The following SH3RF2 variants were observed in gnomAD, a reference collection of about 807,000 sequenced individuals.
The protein encoded by SH3RF2 is SH3 domain containing ring finger 2.
SH3RF2 carries 43 observed loss-of-function variants against 59.0 expected under a neutral mutation model. That is an observed-to-expected ratio of 0.73 (90% CI 0.57 to 0.94). The LOEUF (loss-of-function observed/expected upper bound fraction) is 0.94, where lower values mean the gene tolerates loss of function less well. SH3RF2 is among the 40% of genes least tolerant of loss of function. The pLI, the probability that SH3RF2 is intolerant of heterozygous loss-of-function variation, is 0.00. For synonymous variants in SH3RF2, 391 were observed against 391.5 expected (o/e 1.00, Z 0.01); for missense variants, 930 against 940.1 (o/e 0.99, Z 0.14).
chr5:146,047,154 C>CGTGTGTGTGTGTGTGTGTGTGTGTGT (rs35750777), intron 5 of SH3RF2, among the ~76,000 whole-genome samples: 208 of 148,224 alleles, frequency 1.4e-3, no homozygotes, highest in African/African-American at 4.9e-3. Flanking sequence ...ATTGGATAGG[C>CGTGTGTGTGTGTGTGTGTGTGTGTGT]GTGTGTGTGT....
At chr5:145,984,920 G>T (rs1759644151) in intron 2 of SH3RF2, among the ~76,000 whole-genome samples, 1 of 152,218 alleles carries the variant, frequency 6.6e-6, no homozygotes, top group Non-Finnish European at 1.5e-5. Context: ...ACTTTAGGAG[G>T]CAGAGGCAGG....
At chr5:145,992,456 C>G (rs1005301104) in intron 2 of SH3RF2, among the ~76,000 whole-genome samples, 4 of 152,150 alleles carry the variant, frequency 2.6e-5, no homozygotes, top group African/African-American at 9.7e-5. Context: ...GCTTTGTGAA[C>G]TTGGGCAACT....
At chr5:146,019,347 C>T (rs1298082629) in intron 5 of SH3RF2, among the ~76,000 whole-genome samples, 1 of 152,158 alleles carries the variant, frequency 6.6e-6, no homozygotes, top group Non-Finnish European at 1.5e-5. Context: ...GTTTTCCCAA[C>T]ACCATTTATT....
chr5:145,994,638 C>T (rs948471147), intron 2 of SH3RF2, among the ~76,000 whole-genome samples: 1 of 152,182 alleles, frequency 6.6e-6, no homozygotes, highest in Non-Finnish European at 1.5e-5. Flanking sequence ...ATCATGAGAA[C>T]AGCACAGGAA....
intron 2 of SH3RF2, among the ~76,000 whole-genome samples, chr5:145,944,215 T>C (rs1159359056): frequency 6.6e-6 from 1 of 152,138 alleles, no homozygotes; most frequent in Non-Finnish European, 1.5e-5. Context: ...ATTTTTCAAT[T>C]TGGGATGCTC....
At chr5:146,064,771 G>A (rs71592188), downstream of SH3RF2, among the ~76,000 whole-genome samples, 3,725 of 23,766 alleles carry the variant, frequency 0.16, 445 homozygotes, top group Admixed American at 0.25. Context: ...AGGAAGGAAG[G>A]AAGGAAAGGA....
intron 5 of SH3RF2, among the ~76,000 whole-genome samples, chr5:146,020,147 T>C: frequency 6.6e-6 from 1 of 152,176 alleles, no homozygotes; most frequent in East Asian, 1.9e-4. Context: ...TTAAGTAATT[T>C]GCACAATGTC....
intron 2 of SH3RF2, among the ~76,000 whole-genome samples, chr5:145,945,445 C>T (rs1757974414): frequency 6.6e-6 from 1 of 152,068 alleles, no homozygotes; most frequent in African/African-American, 2.4e-5. Context: ...AATTCTTAGA[C>T]TCAAGAAATG....
At chr5:145,991,455 C>T (rs1195379264) in intron 2 of SH3RF2, among the ~76,000 whole-genome samples, 1 of 152,190 alleles carries the variant, frequency 6.6e-6, no homozygotes, top group South Asian at 2.1e-4. Flanking sequence ...CCTCTCTCTT[C>T]CCCTTGCTCC....
chr5:146,028,669 C>T (rs1259750745), intron 5 of SH3RF2, among the ~76,000 whole-genome samples: 3 of 152,334 alleles, frequency 2.0e-5, no homozygotes, highest in Middle Eastern at 3.4e-3. Flanking sequence ...AGTTGCCTCC[C>T]GCTGAGAACA....
At chr5:145,980,045 A>G (rs189424652) in intron 2 of SH3RF2, among the ~76,000 whole-genome samples, 1 of 152,316 alleles carries the variant, frequency 6.6e-6, no homozygotes, top group Admixed American at 6.5e-5. Context: ...CTATTATCAT[A>G]AGATAAATAA....
intron 5 of SH3RF2, among the ~76,000 whole-genome samples, chr5:146,022,835 G>A (rs115516119): frequency 6.6e-6 from 1 of 151,456 alleles, no homozygotes; most frequent in South Asian, 2.1e-4. Flanking sequence ...TCTTGCCGGT[G>A]CACTGCAGCC....
chr5:145,967,452 T>C (rs1450760280), intron 2 of SH3RF2, among the ~76,000 whole-genome samples: 3 of 152,064 alleles, frequency 2.0e-5, no homozygotes, highest in Admixed American at 6.5e-5. Flanking sequence ...CATGAGTAGG[T>C]ATTATGCCTC....
intron 8 of SH3RF2, among the ~76,000 whole-genome samples, chr5:146,056,859 A>T (rs1762689475): frequency 2.0e-5 from 3 of 152,322 alleles, no homozygotes; most frequent in South Asian, 4.1e-4. Context: ...TATTTTTACC[A>T]TCATAACATC....
At chr5:146,016,397 T>TGGAC (rs1761106644) in intron 5 of SH3RF2, among the ~76,000 whole-genome samples, 1 of 151,594 alleles carries the variant, frequency 6.6e-6, no homozygotes, top group Non-Finnish European at 1.5e-5. Context: ...GATGGATGGA[T>TGGAC]GGATGGATAG....
intron 2 of SH3RF2, among the ~76,000 whole-genome samples, chr5:145,996,502 G>C (rs1372960367): frequency 1.5e-5 from 2 of 129,296 alleles, no homozygotes; most frequent in African/African-American, 5.5e-5. Context: ...TTTGACAAAC[G>C]ATTATGCTTG....
intron 2 of SH3RF2, among the ~76,000 whole-genome samples, chr5:145,969,261 A>C (rs1339810748): frequency 6.6e-6 from 1 of 152,254 alleles, no homozygotes; most frequent in East Asian, 1.9e-4. Flanking sequence ...TACTGGAAGA[A>C]AAGACTTATT....
At chr5:146,021,888 C>G (rs566212647) in intron 5 of SH3RF2, among the ~76,000 whole-genome samples, 106 of 152,182 alleles carry the variant, frequency 7.0e-4, no homozygotes, top group Admixed American at 1.4e-3. Context: ...GAGAATTAAC[C>G]TCTGACTCAC....
chr5:146,077,741 G>A, intron 9 of SH3RF2, among the ~76,000 whole-genome samples: 1 of 151,922 alleles, frequency 6.6e-6, no homozygotes, highest in East Asian at 1.9e-4. Flanking sequence ...GTCTTTTCTA[G>A]GACCCCTTTC....
Sources: gnomAD v4.1 joint callset for allele counts (sites outside exome capture counted in the v4.1 genomes callset) on GRCh38, gnomAD v4.1.1 for gene constraint, MANE v1.5 for transcripts, NCBI Gene and HGNC (gene_info 2026-07-23, HGNC 2026-07-21) for gene names.